The following CDH4 variants were observed in gnomAD, a reference collection of about 807,000 sequenced individuals.
The protein encoded by CDH4 is cadherin-4.
A neutral mutation model predicts 86.0 loss-of-function variants in CDH4; 33 were observed. The ratio of observed to expected loss-of-function variants is 0.38; its 90% CI spans 0.29 to 0.51. CDH4 has a LOEUF of 0.51. CDH4 is among the 20% of genes least tolerant of loss of function. The pLI, the probability that CDH4 is intolerant of heterozygous loss-of-function variation, is 0.86. For synonymous variants in CDH4, 555 were observed against 549.4 expected, an observed-to-expected ratio of 1.01 and a Z score of -0.14; for missense variants, 1,114 against 1,307.4, an observed-to-expected ratio of 0.85 and a Z score of 2.28.
At chr20:61,316,238 C>G (rs907696237) in intron 2 of CDH4, among the ~76,000 whole-genome samples, 1 of 152,206 alleles carries the variant, frequency 6.6e-6, no homozygotes, top group East Asian at 1.9e-4. Flanking sequence ...GACTTCTTGA[C>G]AGATCTGCAT....
intron 2 of CDH4, among the ~76,000 whole-genome samples, chr20:61,289,023 GA>G (rs2084307714): frequency 6.6e-6 from 1 of 152,214 alleles, no homozygotes; most frequent in Non-Finnish European, 1.5e-5. Context: ...CAAGCAGTTG[GA>G]ATGACAGAGC....
chr20:61,658,769 C>A (rs534354808), intron 2 of CDH4, among the ~76,000 whole-genome samples: 4 of 152,180 alleles, frequency 2.6e-5, no homozygotes, highest in Non-Finnish European at 5.9e-5. Context: ...ATACCACCCC[C>A]CCACTCCCAG....
At position 61,873,903 on chromosome 20, in the gene CDH4, G is replaced by A; in HGVS notation, c.1050+3G>A. 6.2e-7 allele frequency: 1 copy of A among 1,612,814 alleles called. No individual in the cohort carries two copies. On this transcript the variant is annotated splice_donor_region_variant and intron_variant, in intron 7 of 15. Transcript: ENST00000614565. Reference sequence around the variant, plus strand: ...TGGCGGCTGGCCTGGACCGAGAGGTGAGGCGGGGTGGGGTCTGCGTGCAGG... The same window carrying A: ...TGGCGGCTGGCCTGGACCGAGAGGTAAGGCGGGGTGGGGTCTGCGTGCAGG...
rs187771644 is a variant in CDH4 at position 61,743,806 on chromosome 20, C to T, written c.396+17C>T. ...GGACACAAGGTAAGGTGTGACCGCC[C>T]GGGTCTGCGCTGGAGTTTAGATGAC... On this transcript the variant is annotated intron_variant, in intron 3 of 15. Coordinates refer to ENST00000614565, the MANE Select transcript of CDH4 (RefSeq NM_001794.5). 1.6e-4 allele frequency: 249 copies of T among 1,554,058 alleles called. 1 individual carries two copies. In the African/African-American group the frequency reaches 2.7e-3, roughly 17 times the overall value.
chr20:61,801,949 G>A (rs1979851909), intron 4 of CDH4, among the ~76,000 whole-genome samples: 1 of 152,244 alleles, frequency 6.6e-6, no homozygotes, highest in Admixed American at 6.5e-5. Flanking sequence ...CCCAGGATGA[G>A]AACCCAGATG....
chr20:61,671,831 A>AT (rs1275101860), intron 2 of CDH4, among the ~76,000 whole-genome samples: 13 of 147,820 alleles, frequency 8.8e-5, no homozygotes, highest in Non-Finnish European at 7.5e-5. Context: ...GGTGGATTGG[A>AT]TGGATGCATG....
chr20:61,389,252 G>A (rs1037125213), intron 2 of CDH4, among the ~76,000 whole-genome samples: 1 of 152,210 alleles, frequency 6.6e-6, no homozygotes, highest in Non-Finnish European at 1.5e-5. Flanking sequence ...TGGGCGGCTC[G>A]TTCCTGGCTT....
chr20:61,622,021 C>T (rs555701050), intron 2 of CDH4, among the ~76,000 whole-genome samples: 23 of 152,316 alleles, frequency 1.5e-4, no homozygotes, highest in African/African-American at 5.5e-4. Flanking sequence ...TAATCTGTGC[C>T]GATCGCCTCA....
At chr20:61,672,415 C>T (rs534986372) in intron 2 of CDH4, among the ~76,000 whole-genome samples, 5 of 152,164 alleles carry the variant, frequency 3.3e-5, no homozygotes, top group African/African-American at 4.8e-5. Flanking sequence ...ATGCAAAGCC[C>T]AGTCCATCAA....
At chr20:61,750,860 A>G (rs1694009694) in intron 3 of CDH4, among the ~76,000 whole-genome samples, 1 of 152,212 alleles carries the variant, frequency 6.6e-6, no homozygotes, top group Non-Finnish European at 1.5e-5. Flanking sequence ...TAAAATCTGA[A>G]CTAGATCCCA....
At chr20:61,566,593 A>G (rs560781537) in intron 2 of CDH4, among the ~76,000 whole-genome samples, 1 of 152,238 alleles carries the variant, frequency 6.6e-6, no homozygotes, top group Non-Finnish European at 1.5e-5. Flanking sequence ...GCGCTCTGAC[A>G]TCCTGCAGGA....
intron 2 of CDH4, among the ~76,000 whole-genome samples, chr20:61,594,104 G>T (rs1218746356): frequency 1.1e-5 from 1 of 90,278 alleles, no homozygotes; most frequent in East Asian, 3.6e-4. Context: ...CCTGAGAGGG[G>T]GAAGGGGGTC....
At chr20:61,327,733 G>A (rs972017129) in intron 2 of CDH4, among the ~76,000 whole-genome samples, 1 of 152,052 alleles carries the variant, frequency 6.6e-6, no homozygotes, top group Admixed American at 6.6e-5. Context: ...TTCCACTTCT[G>A]GGAATTTATT....
chr20:61,896,442 A>C (rs1054118634), intron 8 of CDH4, among the ~76,000 whole-genome samples: 3 of 152,178 alleles, frequency 2.0e-5, no homozygotes, highest in African/African-American at 7.2e-5. Flanking sequence ...CTGTGAGCAC[A>C]CAACGCCATC....
At chr20:61,543,336 G>A (rs952585409) in intron 2 of CDH4, among the ~76,000 whole-genome samples, 5 of 152,322 alleles carry the variant, frequency 3.3e-5, no homozygotes, top group South Asian at 2.1e-4. Flanking sequence ...GAGTTGGAAC[G>A]GAGCAATGGA....
chr20:61,723,523 A>C (rs73611562), intron 2 of CDH4, among the ~76,000 whole-genome samples: 50,283 of 151,908 alleles, frequency 0.33, 9,425 homozygotes, highest in South Asian at 0.44. Context: ...CATGATGGGC[A>C]CCTGAGACCC....
chr20:61,915,735 G>A (rs1433814815), intron 9 of CDH4, among the ~76,000 whole-genome samples: 2 of 152,226 alleles, frequency 1.3e-5, no homozygotes, highest in African/African-American at 4.8e-5. Flanking sequence ...TTTGCTGGTG[G>A]GTGGAGAGGA....
chr20:61,736,508 C>T (rs1384195959), intron 2 of CDH4, among the ~76,000 whole-genome samples: 1 of 152,128 alleles, frequency 6.6e-6, no homozygotes, highest in African/African-American at 2.4e-5. Context: ...GTCTGTCCTG[C>T]CCCACACTCT....
chr20:61,530,737 G>A (rs1427745916), intron 2 of CDH4, among the ~76,000 whole-genome samples: 4 of 152,148 alleles, frequency 2.6e-5, no homozygotes, highest in African/African-American at 7.2e-5. Flanking sequence ...CTGGATCCAG[G>A]AGTGAGGGCT....
Sources: gnomAD v4.1 joint callset for allele counts (sites outside exome capture counted in the v4.1 genomes callset) on GRCh38, gnomAD v4.1.1 for gene constraint, MANE v1.5 for transcripts, NCBI Gene and HGNC (gene_info 2026-07-23, HGNC 2026-07-21) for gene names.